The following NUP37 variants were observed in gnomAD, a reference collection of about 807,000 sequenced individuals.
NUP37 encodes nucleoporin 37, also known as nucleoporin Nup37.
NUP37 carries 33 observed loss-of-function variants against 45.4 expected under a neutral mutation model. The ratio of observed to expected loss-of-function variants is 0.73; its 90% CI spans 0.55 to 0.97. The LOEUF (loss-of-function observed/expected upper bound fraction) is 0.97, where lower values mean the gene tolerates loss of function less well. Ranked by LOEUF, NUP37 falls within the 50% of genes least tolerant of loss-of-function variation. The pLI is 0.00. For synonymous variants in NUP37, 127 were observed against 130.7 expected (o/e 0.97, Z 0.19); for missense variants, 365 against 389.7 (o/e 0.94, Z 0.53).
chr12:102,087,387 A>G (rs997508321), intron 5 of NUP37, among the ~76,000 whole-genome samples: 1 of 152,238 alleles, frequency 6.6e-6, no homozygotes, highest in South Asian at 2.1e-4. Flanking sequence ...ATAGTTACAT[A>G]CAAATGAACA....
chr12:102,089,262 T>C (rs1299339405), intron 5 of NUP37, among the ~76,000 whole-genome samples: 1 of 152,192 alleles, frequency 6.6e-6, no homozygotes, highest in Non-Finnish European at 1.5e-5. Context: ...AGGCTGTCAC[T>C]TCACACTTGG....
chr12:102,099,026 CA>C (rs1431988616), intron 5 of NUP37, 79 bp downstream of exon 5: 43 of 950,106 alleles, frequency 4.5e-5, no homozygotes, highest in Non-Finnish European at 5.7e-5. Flanking sequence ...GTAAAAGTCA[CA>C]TTTTTTTTTC....
Position 102,118,454 on chromosome 12 carries a change from A to T in NUP37, c.65T>A (p.Val22Glu), listed in dbSNP as rs1284896397. ...TVDCEDYVHV[V>E]EFNPFENGDS... ...CCCATTCTCAAAGGGATTAAATTCT[A>T]CCACATGCACATAATCTTCACAATC... Residue 22 changes from valine (V) to glutamate (E), a missense_variant, in exon 2 of 10, where the codon GTA becomes GAA. By Grantham distance (121) the Val-to-Glu change is moderately radical (BLOSUM62 -2). Transcript: ENST00000552283. The T allele has an allele frequency of 6.2e-7, 1 of 1,614,020 alleles. No homozygotes were observed. Among genetic ancestry groups the T allele is most frequent in the South Asian group, 1.1e-5 (1 of 91,054 alleles).
chr12:102,096,497 C>T (rs1343337829), intron 5 of NUP37, among the ~76,000 whole-genome samples: 2 of 152,076 alleles, frequency 1.3e-5, no homozygotes, highest in Non-Finnish European at 2.9e-5. Flanking sequence ...ATTCTGCTAG[C>T]TGATTATAAT....
rs555209574 is a variant in NUP37 at position 102,120,090 on chromosome 12, C to G, written c.-106G>C. The G allele has an allele frequency of 1.7e-5, 3 of 172,648 alleles. No individual in the cohort carries two copies. The Admixed American group carries it at 1.8e-4, about 10-fold the overall frequency. 10.7% of individuals were successfully genotyped at this position (172,648 alleles called of 1,614,324 possible). ...ACCGACCAGAGGCAGGCTGGTCTTC[C>G]TTGGGGGCTGCCGCGACGCGCTGTG... is the stretch of plus-strand genomic sequence containing the variant. On this transcript the variant is annotated 5_prime_UTR_variant, in exon 1 of 10. Transcript: ENST00000552283.
rs74851314 is a variant in NUP37 at position 102,103,409 on chromosome 12, A to C, written c.282-2305T>G. Among the ~76,000 whole-genome samples the C allele has an allele frequency of 5.4e-3, 828 of 152,262 alleles. 7 individuals carry two copies. Among genetic ancestry groups the C allele is most frequent in the African/African-American group, 0.017 (725 of 41,572 alleles). On this transcript the variant is annotated intron_variant, in intron 3 of 9. Transcript: ENST00000552283. ...GATAGTTCATTGTTAGTATATTAGA[A>C]AGGTTACTGATTTTTGAATGTTGAT...
intron 6 of NUP37, among the ~76,000 whole-genome samples, chr12:102,082,433 C>T (rs1342257707): frequency 6.6e-6 from 1 of 152,160 alleles, no homozygotes; most frequent in African/African-American, 2.4e-5. Flanking sequence ...TGGCAGAGCA[C>T]TGAAAGCCAT....
At chr12:102,118,858 G>A (rs1880582930) in intron 1 of NUP37, 1 of 209,864 alleles carries the variant, frequency 4.8e-6, no homozygotes, top group Non-Finnish European at 9.5e-6. Context: ...TATTTCATCT[G>A]AAGATGGAAT....
At position 102,118,347 on chromosome 12, in the gene NUP37, A is replaced by T. The variant is rs557602211; in HGVS notation, c.156+16T>A. The T allele has an allele frequency of 6.2e-7, 1 of 1,605,140 alleles. No individual in the cohort carries two copies. Among genetic ancestry groups the T allele is most frequent in the South Asian group, 1.1e-5 (1 of 89,292 alleles). On this transcript the variant is annotated intron_variant, in intron 2 of 9. Coordinates refer to ENST00000552283, the MANE Select transcript of NUP37 (RefSeq NM_024057.4). The stretch of plus-strand genomic sequence containing the variant: ...AAATATGTTCACTGTCATTCGGTGC[A>T]GTTTTGTAGACTAACCTGAAACGTA...
intron 5 of NUP37, among the ~76,000 whole-genome samples, chr12:102,096,661 T>C (rs1879811605): frequency 6.6e-6 from 1 of 152,186 alleles, no homozygotes; most frequent in Non-Finnish European, 1.5e-5. Flanking sequence ...ATATACTCTC[T>C]TGTCACATAT....
chr12:102,105,730 G>A (rs754002670), intron 3 of NUP37, among the ~76,000 whole-genome samples: 2 of 151,608 alleles, frequency 1.3e-5, no homozygotes, highest in African/African-American at 2.4e-5. Context: ...GCATGGTGAT[G>A]TGCACCTATA....
chr12:102,100,541 G>C (rs1213010350), intron 4 of NUP37, among the ~76,000 whole-genome samples: 1 of 152,178 alleles, frequency 6.6e-6, no homozygotes, highest in African/African-American at 2.4e-5. Context: ...TACAGGTAAG[G>C]ATATTAGCAC....
chr12:102,077,245 G>A (rs77619182), intron 7 of NUP37, 77 bp downstream of exon 7: 131,972 of 1,436,272 alleles, frequency 0.092, 7,219 homozygotes, highest in Non-Finnish European at 0.11. Context: ...AGGTATAACA[G>A]GATGGATGAG....
At chr12:102,116,718 A>T (rs1483244276) in intron 2 of NUP37, among the ~76,000 whole-genome samples, 1 of 152,218 alleles carries the variant, frequency 6.6e-6, no homozygotes, top group African/African-American at 2.4e-5. Context: ...AAGATACAGA[A>T]TTGCCGCTGG....
chr12:102,076,223 T>C (rs1879162592), intron 8 of NUP37, among the ~76,000 whole-genome samples: 2 of 152,226 alleles, frequency 1.3e-5, no homozygotes, highest in South Asian at 2.1e-4. Context: ...TTCTTAATAA[T>C]GGTATCCCTA....
intron 5 of NUP37, among the ~76,000 whole-genome samples, chr12:102,088,670 ATGT>A (rs1216909386): frequency 2.9e-5 from 4 of 135,916 alleles, no homozygotes; most frequent in Non-Finnish European, 4.9e-5. Context: ...CATTTGTTGC[ATGT>A]TGTTGTAATT....
At chr12:102,091,165 G>A (rs923443506) in intron 5 of NUP37, among the ~76,000 whole-genome samples, 7 of 152,084 alleles carry the variant, frequency 4.6e-5, no homozygotes, top group Admixed American at 2.0e-4. Flanking sequence ...GGGAGGCTGA[G>A]GCAGGCGGAT....
rs1199000269 is a variant in NUP37 at position 102,099,215 on chromosome 12, AAC to A, written c.355-17_355-16del. 1.3e-6 allele frequency: 2 copies of A among 1,559,740 alleles called. No individual in the cohort carries two copies. Among genetic ancestry groups the A allele is most frequent in the East Asian group, 4.5e-5 (2 of 44,586 alleles). Reference sequence around the variant, plus strand: ...CCCTCTAAAACCTGACAGAAAGAGAAACAGAAAGCTTAGCAAGAAAACAGAAA... The same window carrying A: ...CCCTCTAAAACCTGACAGAAAGAGAAAGAAAGCTTAGCAAGAAAACAGAAA... On this transcript the variant is annotated splice_polypyrimidine_tract_variant and intron_variant, in intron 4 of 9. Transcript: ENST00000552283.
chr12:102,101,443 T>C (rs1372140266), intron 3 of NUP37, among the ~76,000 whole-genome samples: 1 of 152,222 alleles, frequency 6.6e-6, no homozygotes, highest in South Asian at 2.1e-4. Context: ...GGATGGATTT[T>C]AAAAAGTATC....
Sources: gnomAD v4.1 joint callset for allele counts (sites outside exome capture counted in the v4.1 genomes callset) on GRCh38, gnomAD v4.1.1 for gene constraint, MANE v1.5 for transcripts, NCBI Gene and HGNC (gene_info 2026-07-23, HGNC 2026-07-21) for gene names.